CCDC141: variants seen among roughly 807,000 people sequenced by gnomAD.
CCDC141 encodes the protein coiled-coil domain containing 141, also known as coiled-coil domain-containing protein 141.
CCDC141 carries 168 observed loss-of-function variants against 181.0 expected under a neutral mutation model. The observed-to-expected ratio is 0.93, with a 90% CI of 0.82 to 1.05. CCDC141 has a LOEUF of 1.05. Among genes scored for constraint, CCDC141 ranks in the 50% least tolerant of loss-of-function variants. CCDC141 has a pLI of 0.00. For missense variants in CCDC141, 1,902 were observed against 1,788.5 expected (o/e 1.06, Z -1.14); for synonymous variants, 666 against 642.3 (o/e 1.04, Z -0.56).
chr2:178,998,073 T>C (rs1692368959), intron 2 of CCDC141, among the ~76,000 whole-genome samples: 1 of 151,964 alleles, frequency 6.6e-6, no homozygotes, highest in South Asian at 2.1e-4. Context: ...ATGTCTTATT[T>C]ATAAATTCAG....
chr2:178,985,628 AG>A (rs1432116743), intron 2 of CCDC141, among the ~76,000 whole-genome samples: 1 of 152,062 alleles, frequency 6.6e-6, no homozygotes, highest in Non-Finnish European at 1.5e-5. Flanking sequence ...AAAATGATAA[AG>A]GGGATATCAC....
chr2:178,981,853 C>T (rs768529483), intron 2 of CCDC141, among the ~76,000 whole-genome samples: 8 of 150,062 alleles, frequency 5.3e-5, no homozygotes, highest in Non-Finnish European at 8.9e-5. Flanking sequence ...AAAGCAAAAA[C>T]GAGTTCTAAG....
At chr2:178,998,006 G>A (rs1450296422) in intron 2 of CCDC141, among the ~76,000 whole-genome samples, 1 of 152,128 alleles carries the variant, frequency 6.6e-6, no homozygotes, top group East Asian at 1.9e-4. Flanking sequence ...ATAAGGTATG[G>A]AAAGACAACT....
intron 8 of CCDC141, among the ~76,000 whole-genome samples, chr2:178,897,663 G>A (rs1250844716): frequency 6.6e-6 from 1 of 152,184 alleles, no homozygotes; most frequent in Non-Finnish European, 1.5e-5. Context: ...AGTTAACTCT[G>A]AAGCAAGTTT....
intron 2 of CCDC141, among the ~76,000 whole-genome samples, chr2:178,980,963 C>T (rs983547757): frequency 1.3e-5 from 2 of 152,044 alleles, no homozygotes; most frequent in Non-Finnish European, 2.9e-5. Context: ...GTTAATTCTA[C>T]ACAGAGAATA....
At position 178,974,017 on chromosome 2, in the gene CCDC141, A is replaced by T. The variant is rs546721404; in HGVS notation, c.526+1040T>A. On this transcript the variant is annotated intron_variant, in intron 4 of 23. Coordinates refer to ENST00000443758, the MANE Select transcript of CCDC141 (RefSeq NM_173648.4). ...TATAGAACAATAATCAGTGGAAATT[A>T]TATATATGTATTTGGTAGGATCTCA... Among the ~76,000 whole-genome samples the T allele has an allele frequency of 1.6e-4, 25 of 152,314 alleles. 1 individual carries two copies. The highest frequency in any genetic ancestry group is 1.5e-3 in the Admixed American group (23 of 15,302).
chr2:179,030,741 A>ATGACAT (rs2042978423), intron 2 of CCDC141, among the ~76,000 whole-genome samples: 1 of 152,118 alleles, frequency 6.6e-6, no homozygotes, highest in Non-Finnish European at 1.5e-5. Context: ...TTTTGAAAAT[A>ATGACAT]TGACATTAGG....
rs970010056 is a variant in CCDC141 at position 178,833,315 on chromosome 2, A to G, written c.*858T>C. 6.6e-6 allele frequency: 1 copy of G among 152,174 alleles called. No homozygotes were observed. The highest frequency in any genetic ancestry group is 6.5e-5 in the Admixed American group (1 of 15,276). The allele number at this position is 152,174 out of a possible 1,614,324, so 9.4% of individuals were successfully genotyped here. A position where few individuals can be genotyped will look rare whatever the true frequency, so the allele number is the denominator to read the frequency against. ...AAAAGACACAAAATGAAAACTCTCA[A>G]TTGCCCAAGAGGTAGATGATGAACT... is the stretch of plus-strand genomic sequence containing the variant. On this transcript the variant is annotated 3_prime_UTR_variant, in exon 24 of 24. Transcript: ENST00000443758.
Position 178,944,544 on chromosome 2 carries a change from T to C in CCDC141, c.888A>G (p.Ile296Met). The stretch of plus-strand genomic sequence containing the variant: ...CTAATATATCTCTTACCTTTGCTTT[T>C]ATTATCAGTTCCTCTTGCTTATGAA... ...DRIHKQEELI[I>M]KAKEWNSAVE... is the part of the protein sequence containing the mutation. Residue 296 changes from isoleucine (I) to methionine (M), a missense_variant, in exon 6 of 24, where the codon ATA becomes ATG. Transcript: ENST00000443758. The C allele has an allele frequency of 1.3e-6, 2 of 1,482,466 alleles. No individual in the cohort carries two copies. Among genetic ancestry groups the C allele is most frequent in the Non-Finnish European group, 9.1e-7 (1 of 1,099,970 alleles). The allele number at this position is 1,482,466 out of a possible 1,614,324, so 91.8% of individuals were successfully genotyped here. A position where few individuals can be genotyped will look rare whatever the true frequency, so the allele number is the denominator to read the frequency against.
intron 8 of CCDC141, among the ~76,000 whole-genome samples, chr2:178,892,697 G>A (rs1362856677): frequency 6.6e-6 from 1 of 152,074 alleles, no homozygotes; most frequent in Admixed American, 6.6e-5. Flanking sequence ...TCAAAAGAAA[G>A]GTATGACCCC....
intron 6 of CCDC141, among the ~76,000 whole-genome samples, chr2:178,922,765 A>AG (rs1688749777): frequency 6.6e-6 from 1 of 152,266 alleles, no homozygotes; most frequent in South Asian, 2.1e-4. Flanking sequence ...TTTGGAGTAG[A>AG]GCCAAGCCTT....
intron 20 of CCDC141, among the ~76,000 whole-genome samples, chr2:178,850,779 A>G (rs1325447645): frequency 6.6e-6 from 1 of 152,240 alleles, no homozygotes; most frequent in Non-Finnish European, 1.5e-5. Flanking sequence ...TATATATTGT[A>G]ATAAAAATAG....
intron 2 of CCDC141, among the ~76,000 whole-genome samples, chr2:178,990,368 C>A (rs557827991): frequency 3.2e-4 from 49 of 151,964 alleles, no homozygotes; most frequent in African/African-American, 1.0e-3. Flanking sequence ...TATGTCCACA[C>A]AAAAGCAAGC....
At chr2:179,037,333 GA>G (rs2043172178) in intron 2 of CCDC141, among the ~76,000 whole-genome samples, 1 of 152,180 alleles carries the variant, frequency 6.6e-6, no homozygotes, top group African/African-American at 2.4e-5. Context: ...GGAGCACAGG[GA>G]AAGAGATAAA....
chr2:178,984,625 A>G (rs1220652102), intron 2 of CCDC141, among the ~76,000 whole-genome samples: 2 of 150,136 alleles, frequency 1.3e-5, no homozygotes, highest in East Asian at 3.9e-4. Flanking sequence ...AGGAAGATCT[A>G]CCAAGCAAAT....
intron 6 of CCDC141, 61 bp downstream of exon 6, chr2:178,944,474 A>G: frequency 2.8e-6 from 2 of 708,142 alleles, no homozygotes; most frequent in East Asian, 6.0e-5. Context: ...CCACAGAAGT[A>G]TATTCAAGAA....
rs1685335818 is a variant in CCDC141, at chr2:178,855,342, A to G, written c.3060+5T>C. ...AACATGGATACCACTGCAAAAAGAG[A>G]ATACCTCTTCTATCACCTCCTGGAA... is the stretch of plus-strand genomic sequence containing the variant. On this transcript the variant is annotated splice_donor_5th_base_variant and intron_variant, in intron 19 of 23. Coordinates refer to ENST00000443758, the MANE Select transcript of CCDC141 (RefSeq NM_173648.4). The G allele has an allele frequency of 6.2e-7, 1 of 1,602,428 alleles. No individual in the cohort carries two copies. The highest frequency in any genetic ancestry group is 1.1e-5 in the South Asian group (1 of 87,444).
intron 2 of CCDC141, among the ~76,000 whole-genome samples, chr2:178,978,989 A>C (rs957699571): frequency 5.9e-5 from 9 of 152,204 alleles, no homozygotes; most frequent in African/African-American, 2.2e-4. Flanking sequence ...GTTCCAAAAA[A>C]AATAAGAAAA....
chr2:179,012,299 C>T (rs144212528), intron 2 of CCDC141, among the ~76,000 whole-genome samples: 267 of 152,242 alleles, frequency 1.8e-3, no homozygotes, highest in African/African-American at 6.1e-3. Context: ...GATAGTCTAA[C>T]TGACACCACT....
Sources: gnomAD v4.1 joint callset for allele counts (sites outside exome capture counted in the v4.1 genomes callset) on GRCh38, gnomAD v4.1.1 for gene constraint, MANE v1.5 for transcripts, NCBI Gene and HGNC (gene_info 2026-07-23, HGNC 2026-07-21) for gene names.